Variants in CFDP1 observed in about 807,000 individuals in gnomAD.
The protein encoded by CFDP1 is heterochromatin-stabilizing protein CFDP1.
Under a neutral mutation model 40.1 loss-of-function variants are expected in CFDP1, and 31 were observed. The observed-to-expected ratio is 0.77, with a 90% CI of 0.58 to 1.04. The LOEUF (loss-of-function observed/expected upper bound fraction) is 1.04, where lower values mean the gene tolerates loss of function less well. Among genes scored for constraint, CFDP1 ranks in the 50% least tolerant of loss-of-function variants. The pLI is 0.00. For missense variants in CFDP1, 423 were observed against 343.4 expected (o/e 1.23, Z -1.83); for synonymous variants, 167 against 120.0 (o/e 1.39, Z -2.56).
Position 75,433,483 on chromosome 16 carries a change from C to T in CFDP1, c.-131G>A. The T allele has an allele frequency of 1.3e-6, 1 of 792,594 alleles. No homozygotes were observed. The highest frequency in any genetic ancestry group is 2.1e-6 in the Non-Finnish European group (1 of 482,016). 49.1% of individuals were successfully genotyped at this position (792,594 alleles called of 1,614,324 possible). A position where few individuals can be genotyped will look rare whatever the true frequency, so the allele number is the denominator to read the frequency against. Reference sequence around the variant, plus strand: ...TAGGGCGGCCCCCGACAGCGCTTTGCACATGCGCAGAGAGTACTACGTGGT... The same window carrying T: ...TAGGGCGGCCCCCGACAGCGCTTTGTACATGCGCAGAGAGTACTACGTGGT... On this transcript the variant is annotated 5_prime_UTR_variant, in exon 1 of 7. Transcript: ENST00000283882.
intron 1 of CFDP1, among the ~76,000 whole-genome samples, chr16:75,426,485 T>C (rs947904796): frequency 1.3e-5 from 2 of 151,968 alleles, no homozygotes; most frequent in Non-Finnish European, 2.9e-5. Context: ...ATAGAAAAAT[T>C]TGACAAACTG....
intron 5 of CFDP1, among the ~76,000 whole-genome samples, chr16:75,322,762 T>C (rs1259448192): frequency 7.0e-6 from 1 of 142,556 alleles, no homozygotes; most frequent in African/African-American, 2.6e-5. Context: ...ATACAAATAT[T>C]AAAAAAAAAA....
intron 5 of CFDP1, among the ~76,000 whole-genome samples, chr16:75,328,437 A>AG (rs2078419712): frequency 6.7e-6 from 1 of 149,244 alleles, no homozygotes; most frequent in Non-Finnish European, 1.5e-5. Flanking sequence ...ATACAAAAAA[A>AG]AAAGAAAAAA....
chr16:75,330,179 C>A (rs1447226187), intron 5 of CFDP1, among the ~76,000 whole-genome samples: 1 of 152,210 alleles, frequency 6.6e-6, no homozygotes, highest in Non-Finnish European at 1.5e-5. Flanking sequence ...CACATGACTA[C>A]TTCAGTAATT....
intron 5 of CFDP1, among the ~76,000 whole-genome samples, chr16:75,358,779 T>A (rs1370437500): frequency 6.6e-6 from 1 of 152,202 alleles, no homozygotes; most frequent in Admixed American, 6.5e-5. Flanking sequence ...TGATAAATTC[T>A]GAGCTTTAGA....
intron 4 of CFDP1, among the ~76,000 whole-genome samples, chr16:75,407,651 T>G (rs1450359728): frequency 1.4e-5 from 1 of 73,242 alleles, no homozygotes; most frequent in Non-Finnish European, 2.7e-5. Context: ...CAAGACCCTG[T>G]CTCAAAAAAA....
chr16:75,320,643 G>A (rs916269678), intron 5 of CFDP1, among the ~76,000 whole-genome samples: 6 of 152,186 alleles, frequency 3.9e-5, no homozygotes, highest in African/African-American at 1.4e-4. Flanking sequence ...CCTGGGGGAC[G>A]AGTGGCTTTG....
At chr16:75,306,061 CTT>C (rs2078254912) in intron 5 of CFDP1, among the ~76,000 whole-genome samples, 1 of 152,196 alleles carries the variant, frequency 6.6e-6, no homozygotes, top group South Asian at 2.1e-4. Context: ...GGTTTGGTCT[CTT>C]TATGAAATGA....
chr16:75,327,766 C>T (rs1414865253), intron 5 of CFDP1, among the ~76,000 whole-genome samples: 1 of 152,148 alleles, frequency 6.6e-6, no homozygotes, highest in East Asian at 1.9e-4. Flanking sequence ...TCTTGTCGCC[C>T]AGGCTGGAGT....
intron 5 of CFDP1, among the ~76,000 whole-genome samples, chr16:75,351,566 G>A (rs965618646): frequency 2.0e-5 from 3 of 152,130 alleles, no homozygotes; most frequent in African/African-American, 7.2e-5. Context: ...GCAATGGACT[G>A]AAACAACATC....
chr16:75,414,150 T>C (rs1396311272), intron 2 of CFDP1, among the ~76,000 whole-genome samples: 1 of 151,922 alleles, frequency 6.6e-6, no homozygotes, highest in East Asian at 1.9e-4. Flanking sequence ...ATCTCCAAGA[T>C]GTGAAATAAA....
rs762900031 is a variant in CFDP1 at position 75,347,343 on chromosome 16, CAAA to C, written c.651-42164_651-42162del. ...CTGGCGACACAGTGAGACTCCATCTCAAAAAAAAAAAAAAAAAAAAAGAAAAAG... is the reference window on the plus strand; with the variant it reads ...CTGGCGACACAGTGAGACTCCATCTCAAAAAAAAAAAAAAAAAAGAAAAAG... On this transcript the variant is annotated intron_variant, in intron 5 of 6. Coordinates refer to ENST00000283882, the MANE Select transcript of CFDP1 (RefSeq NM_006324.3). Among the ~76,000 whole-genome samples the C allele has an allele frequency of 7.2e-3, 656 of 91,530 alleles. 4 individuals carry two copies. The highest frequency in any genetic ancestry group is 0.033 in the Middle Eastern group (4 of 120). The allele number at this position is 91,530 out of a possible 152,430, so 60.0% of individuals were successfully genotyped here. A position where few individuals can be genotyped will look rare whatever the true frequency, so the allele number is the denominator to read the frequency against.
intron 5 of CFDP1, among the ~76,000 whole-genome samples, chr16:75,375,391 A>T (rs1490811395): frequency 6.6e-6 from 1 of 152,260 alleles, no homozygotes; most frequent in Non-Finnish European, 1.5e-5. Flanking sequence ...AAAATGGGTA[A>T]GATTGGAAGA....
At chr16:75,306,906 C>A (rs961114275) in intron 5 of CFDP1, among the ~76,000 whole-genome samples, 1 of 147,956 alleles carries the variant, frequency 6.8e-6, no homozygotes, top group Admixed American at 6.7e-5. Context: ...CACACACGCA[C>A]ACACACACAC....
At chr16:75,360,352 C>G (rs1424440187) in intron 5 of CFDP1, among the ~76,000 whole-genome samples, 4 of 152,144 alleles carry the variant, frequency 2.6e-5, no homozygotes, top group Non-Finnish European at 5.9e-5. Flanking sequence ...GAGTTAGTGT[C>G]AAAAGGACAA....
intron 5 of CFDP1, among the ~76,000 whole-genome samples, chr16:75,366,751 C>T (rs1281329666): frequency 1.3e-5 from 2 of 152,130 alleles, no homozygotes; most frequent in Admixed American, 1.3e-4. Flanking sequence ...TGGAGGGCTC[C>T]CATCTTCTGG....
intron 5 of CFDP1, among the ~76,000 whole-genome samples, chr16:75,361,641 A>G (rs1401048087): frequency 6.6e-6 from 1 of 152,058 alleles, no homozygotes; most frequent in African/African-American, 2.4e-5. Flanking sequence ...AACCAAAAAG[A>G]CACACAAATC....
intron 5 of CFDP1, among the ~76,000 whole-genome samples, chr16:75,313,235 C>T (rs973175660): frequency 1.2e-4 from 18 of 152,302 alleles, no homozygotes; most frequent in East Asian, 1.9e-4. Flanking sequence ...CCTTGGTGCA[C>T]GTAAAACATC....
intron 5 of CFDP1, among the ~76,000 whole-genome samples, chr16:75,352,104 G>C (rs1597348877): frequency 6.6e-6 from 1 of 151,978 alleles, no homozygotes; most frequent in East Asian, 1.9e-4. Flanking sequence ...ACTCCGGGAG[G>C]CTGAGGTGGG....
Sources: gnomAD v4.1 joint callset for allele counts (sites outside exome capture counted in the v4.1 genomes callset) on GRCh38, gnomAD v4.1.1 for gene constraint, MANE v1.5 for transcripts, NCBI Gene and HGNC (gene_info 2026-07-23, HGNC 2026-07-21) for gene names.